COL5A1: variants seen among roughly 807,000 people sequenced by gnomAD.
COL5A1 encodes the protein collagen alpha-1(V) chain.
In COL5A1, 16 loss-of-function variants were observed where a neutral mutation model predicts 263.7. The observed-to-expected ratio is 0.06, with a 90% CI of 0.04 to 0.09. The LOEUF (loss-of-function observed/expected upper bound fraction) is 0.09. Ranked by LOEUF, COL5A1 falls within the 10% of genes least tolerant of loss-of-function variation. COL5A1 has a pLI of 1.00. For synonymous variants in COL5A1, 1,012 were observed against 1,004.5 expected (o/e 1.01, Z -0.14); for missense variants, 2,036 against 2,540.5 (o/e 0.80, Z 4.27).
chr9:134,842,451 G>A lies in COL5A1; in HGVS notation c.*148G>A, dbSNP rs1229441929. 1 of 958,182 alleles carries A rather than the reference G, an allele frequency of 1.0e-6. No homozygotes were observed. The highest frequency in any genetic ancestry group is 1.6e-5 in the African/African-American group (1 of 61,880). The allele number at this position is 958,182 out of a possible 1,614,324, so 59.4% of individuals were successfully genotyped here. On this transcript the variant is annotated 3_prime_UTR_variant, in exon 66 of 66. Transcript: ENST00000371817. The surrounding 1 kb of genome is among the most constrained non-coding windows in gnomAD (Gnocchi z 5.8). ...TTCATCTACGCCTCGGCACCACGGGGTGTGGGACCCCAGCCCGGAGAGAAC... is the reference window on the plus strand; with the variant it reads ...TTCATCTACGCCTCGGCACCACGGGATGTGGGACCCCAGCCCGGAGAGAAC...
chr9:134,748,837 CAAG>C (rs1196179644), intron 11 of COL5A1, among the ~76,000 whole-genome samples: 6 of 152,188 alleles, frequency 3.9e-5, no homozygotes, highest in African/African-American at 1.4e-4. Context: ...GTTAAATAAA[CAAG>C]GAGTCCATTG....
At chr9:134,683,341 G>T (rs1462602400) in intron 1 of COL5A1, among the ~76,000 whole-genome samples, 1 of 152,152 alleles carries the variant, frequency 6.6e-6, no homozygotes, top group Non-Finnish European at 1.5e-5. Context: ...GCCCGTCGCG[G>T]GCTGATCACC....
rs997093940 is a variant in COL5A1 at position 134,754,927 on chromosome 9, C to T, written c.1827+601C>T. Among the ~76,000 whole-genome samples the T allele has an allele frequency of 2.6e-5, 4 of 152,196 alleles. No individual in the cohort carries two copies. Among genetic ancestry groups the T allele is most frequent in the Admixed American group, 6.5e-5 (1 of 15,288 alleles). Reference sequence around the variant, plus strand: ...TCAACCAGCAGACCTTTCTGGTGAACGAGAGAAATTTCGGTGCAGGGTTGG... The same window carrying T: ...TCAACCAGCAGACCTTTCTGGTGAATGAGAGAAATTTCGGTGCAGGGTTGG... On this transcript the variant is annotated intron_variant, in intron 16 of 65. Coordinates refer to ENST00000371817, the MANE Select transcript of COL5A1 (RefSeq NM_000093.5). The surrounding 1 kb of genome is among the most constrained non-coding windows in gnomAD (Gnocchi z 4.3).
Position 134,727,197 on chromosome 9 carries a change from CTG to C in COL5A1, c.655-65_655-64del, listed in dbSNP as rs553833090. Reference sequence around the variant, plus strand: ...CTTTCCCCTGCTTCAAGGCATGGGGCTGTGTCTCCCAGGTCCCCATGCGAGTG... The same window carrying C: ...CTTTCCCCTGCTTCAAGGCATGGGGCTGTCTCCCAGGTCCCCATGCGAGTG... On this transcript the variant is annotated intron_variant, in intron 4 of 65. Transcript: ENST00000371817. 1.7e-4 allele frequency: 254 copies of C among 1,536,744 alleles called. 1 individual carries two copies. In the South Asian group the frequency reaches 2.6e-3, roughly 16 times the overall value.
At chr9:134,812,385 C>CTG (rs1261634700) in intron 46 of COL5A1, 64 bp from the exon 47 acceptor site, 6 of 1,533,668 alleles carry the variant, frequency 3.9e-6, no homozygotes, top group Non-Finnish European at 2.7e-6. Flanking sequence ...GTCGTGAAAG[C>CTG]TGTGTGTGTG....
chr9:134,744,890 C>G (rs576117763), intron 11 of COL5A1, among the ~76,000 whole-genome samples: 1 of 143,316 alleles, frequency 7.0e-6, no homozygotes, highest in African/African-American at 3.0e-5. Context: ...CACCTGCACA[C>G]ACACTCATGC....
At position 134,782,610 on chromosome 9, in the gene COL5A1, C is replaced by T. The variant is rs117990742; in HGVS notation, c.2431-57C>T. ...TGGTTGTTTGGAGCGGGGAAGGGAC[C>T]GCCAGGGAGGCGGGTCCTCTTGCCT... On this transcript the variant is annotated intron_variant, in intron 28 of 65. Coordinates refer to ENST00000371817, the MANE Select transcript of COL5A1 (RefSeq NM_000093.5). The T allele has an allele frequency of 6.1e-4, 947 of 1,546,534 alleles. 9 individuals carry two copies. In the East Asian group the frequency reaches 0.018, roughly 29 times the overall value.
chr9:134,780,735 C>T (rs1344982420), intron 28 of COL5A1, among the ~76,000 whole-genome samples: 1 of 152,358 alleles, frequency 6.6e-6, no homozygotes, highest in East Asian at 1.9e-4. Flanking sequence ...TTGGGTGCAG[C>T]CTGCAGCGGC....
At chr9:134,805,127 C>T (rs373212839) in intron 40 of COL5A1, 34 bp from the exon 41 acceptor site, 30 of 1,613,790 alleles carry the variant, frequency 1.9e-5, no homozygotes, top group African/African-American at 1.2e-4. Flanking sequence ...CCTCTCCCCA[C>T]GTGCCCTTGA....
At position 134,680,961 on chromosome 9, in the gene COL5A1, C is replaced by T. The variant is rs549940509; in HGVS notation, c.110-9951C>T. Among the ~76,000 whole-genome samples the T allele has an allele frequency of 3.3e-5, 5 of 152,286 alleles. No individual in the cohort carries two copies. The highest frequency in any genetic ancestry group is 2.1e-4 in the South Asian group (1 of 4,822). On this transcript the variant is annotated intron_variant, in intron 1 of 65. Transcript: ENST00000371817. The surrounding 1 kb of genome is among the most constrained non-coding windows in gnomAD (Gnocchi z 5.9). The stretch of plus-strand genomic sequence containing the variant: ...AGCCTCGGGGGGCAGCGGGAGAGGC[C>T]GGGCCATCTGCCATCCTCCCAGGAT...
intron 23 of COL5A1, 36 bp downstream of exon 23, chr9:134,767,089 C>T (rs757905002): frequency 3.0e-5 from 48 of 1,607,478 alleles, no homozygotes; most frequent in Middle Eastern, 1.7e-4. Context: ...CGCAGGGATC[C>T]GGCCGTGGGA....
intron 10 of COL5A1, 115 bp from the exon 11 acceptor site, chr9:134,738,631 C>T: frequency 6.5e-7 from 1 of 1,541,052 alleles, no homozygotes; most frequent in Non-Finnish European, 9.0e-7. Flanking sequence ...TTTTGCAGAT[C>T]CCCTGGGAGC....
intron 11 of COL5A1, among the ~76,000 whole-genome samples, chr9:134,744,650 C>G (rs868598550): frequency 6.6e-6 from 1 of 152,072 alleles, no homozygotes; most frequent in East Asian, 1.9e-4. Flanking sequence ...GACATGCACA[C>G]AGGTACGCTC....
intron 1 of COL5A1, among the ~76,000 whole-genome samples, chr9:134,689,176 G>A (rs955705723): frequency 1.3e-5 from 2 of 152,190 alleles, no homozygotes; most frequent in African/African-American, 4.8e-5. Flanking sequence ...ACCTCCTCCC[G>A]TGGCAGTGCC....
chr9:134,683,006 C>T (rs116566963), intron 1 of COL5A1, among the ~76,000 whole-genome samples: 105 of 152,284 alleles, frequency 6.9e-4, no homozygotes, highest in African/African-American at 2.4e-3. Flanking sequence ...CTCGTAGGAG[C>T]GTGCGATCCC....
chr9:134,676,268 T>G (rs894534336), intron 1 of COL5A1, among the ~76,000 whole-genome samples: 2 of 152,176 alleles, frequency 1.3e-5, no homozygotes, highest in Non-Finnish European at 2.9e-5. Flanking sequence ...CAGATGACAT[T>G]GCCATCTTTT....
intron 26 of COL5A1, among the ~76,000 whole-genome samples, chr9:134,774,037 GA>G: frequency 6.6e-6 from 1 of 152,366 alleles, no homozygotes; most frequent in South Asian, 2.1e-4. Context: ...ACAGTGCCCG[GA>G]ACTGGTGCTG....
At chr9:134,770,115 G>C (rs938863802) in intron 25 of COL5A1, among the ~76,000 whole-genome samples, 17 of 152,246 alleles carry the variant, frequency 1.1e-4, no homozygotes, top group African/African-American at 4.1e-4. Context: ...GGAAGCAAAG[G>C]GTAGGCCCAA....
intron 20 of COL5A1, among the ~76,000 whole-genome samples, chr9:134,764,178 G>C (rs946629342): frequency 2.8e-5 from 4 of 143,330 alleles, no homozygotes; most frequent in African/African-American, 1.0e-4. Flanking sequence ...GCATGGGTGG[G>C]TACAAGGGCA....
Sources: allele counts gnomAD v4.1 joint callset (sites outside exome capture counted in the v4.1 genomes callset), GRCh38; gene constraint gnomAD v4.1.1; non-coding constraint Gnocchi (gnomAD v3.1); transcripts MANE v1.5; gene names NCBI Gene and HGNC (gene_info 2026-07-23, HGNC 2026-07-21).